The following SNCAIP variants were observed in gnomAD, a reference collection of about 807,000 sequenced individuals.
SNCAIP encodes synphilin-1.
SNCAIP carries 43 observed loss-of-function variants against 86.7 expected under a neutral mutation model. The ratio of observed to expected loss-of-function variants is 0.50; its 90% CI spans 0.39 to 0.64. The LOEUF (loss-of-function observed/expected upper bound fraction) is 0.64, where lower values mean the gene tolerates loss of function less well. Ranked by LOEUF, SNCAIP falls within the 30% of genes least tolerant of loss-of-function variation. The pLI is 0.00. For missense variants in SNCAIP, 981 were observed against 1,103.1 expected (o/e 0.89, Z 1.57); for synonymous variants, 417 against 427.2 (o/e 0.98, Z 0.29).
At chr5:122,355,743 G>T (rs922397959) in intron 1 of SNCAIP, among the ~76,000 whole-genome samples, 3 of 152,116 alleles carry the variant, frequency 2.0e-5, no homozygotes, top group Non-Finnish European at 4.4e-5. Flanking sequence ...TATGCCAGTT[G>T]TTTTCCTTTT....
At chr5:122,328,345 A>G (rs1273893070) in intron 1 of SNCAIP, among the ~76,000 whole-genome samples, 1 of 152,162 alleles carries the variant, frequency 6.6e-6, no homozygotes, top group East Asian at 1.9e-4. Flanking sequence ...CAGCTCTTGC[A>G]AAGTCTGCAC....
chr5:122,349,839 G>A (rs1759408786), intron 1 of SNCAIP, among the ~76,000 whole-genome samples: 1 of 152,032 alleles, frequency 6.6e-6, no homozygotes, highest in South Asian at 2.1e-4. Context: ...TGTTTTGATG[G>A]GGCTCTTCTC....
chr5:122,439,239 C>A (rs1040493001), intron 6 of SNCAIP, among the ~76,000 whole-genome samples: 1 of 152,194 alleles, frequency 6.6e-6, no homozygotes, highest in Non-Finnish European at 1.5e-5. Flanking sequence ...CTTATCCAAC[C>A]TCTAACTCCC....
intron 2 of SNCAIP, 82 bp downstream of exon 2, chr5:122,391,273 A>G (rs1769288133): frequency 4.0e-6 from 4 of 1,002,730 alleles, no homozygotes; most frequent in Non-Finnish European, 6.4e-6. Context: ...TATAGTCTAT[A>G]TATCCTCAAC....
chr5:122,447,069 A>G (rs1162299492), intron 8 of SNCAIP, among the ~76,000 whole-genome samples: 2 of 152,186 alleles, frequency 1.3e-5, no homozygotes, highest in African/African-American at 2.4e-5. Context: ...ATAATAGGAG[A>G]ACATTTAGAC....
rs746836864 is a variant in SNCAIP, at chr5:122,423,542, C to T, written c.805C>T (p.Arg269Ter). The stretch of plus-strand genomic sequence containing the variant: ...CAAGACATTTAGTGATCCTCATGGT[C>T]GAAAAGTTGAGAAGACAACACCAGA... Reference protein sequence around the residue: ...LNKTFSDPHGRKVEKTTPDCQ... With the variant: ...LNKTFSDPHG Residue 269 changes from arginine to a stop codon, truncating the protein, a stop_gained, in exon 4 of 11, where the codon CGA becomes TGA. Transcript: ENST00000261368. LOFTEE classifies it high-confidence loss of function. The T allele has an allele frequency of 5.0e-6, 8 of 1,613,962 alleles. No homozygotes were observed. The highest frequency in any genetic ancestry group is 1.3e-5 in the African/African-American group (1 of 74,894).
intron 7 of SNCAIP, among the ~76,000 whole-genome samples, chr5:122,442,532 A>G (rs891085095): frequency 9.9e-5 from 15 of 152,202 alleles, no homozygotes; most frequent in Non-Finnish European, 2.1e-4. Context: ...ATGAAATTGG[A>G]GAGTATAGGA....
At chr5:122,395,976 CTCTG>C (rs1275987325) in intron 2 of SNCAIP, among the ~76,000 whole-genome samples, 2 of 152,132 alleles carry the variant, frequency 1.3e-5, no homozygotes, top group South Asian at 2.1e-4. Flanking sequence ...TTTTCACTGT[CTCTG>C]TCTGTAAGCC....
chr5:122,312,115 C>G (rs1216966485), upstream of SNCAIP: 1 of 148,156 alleles, frequency 6.7e-6, no homozygotes, highest in Non-Finnish European at 1.5e-5. Context: ...TTGGGGGGCC[C>G]GGGGAGCGGC....
intron 6 of SNCAIP, among the ~76,000 whole-genome samples, chr5:122,436,039 C>T (rs148581899): frequency 4.6e-4 from 70 of 152,176 alleles, no homozygotes; most frequent in Admixed American, 7.9e-4. Context: ...GGAGCATGTC[C>T]TTTACAGAGT....
intron 1 of SNCAIP, among the ~76,000 whole-genome samples, chr5:122,323,654 C>T (rs1753439851): frequency 6.6e-6 from 1 of 152,140 alleles, no homozygotes; most frequent in African/African-American, 2.4e-5. Flanking sequence ...TTTGAGTTTT[C>T]AGTGAAATGA....
In SNCAIP at chr5:122,451,415, A is replaced by G; in HGVS notation, c.2568A>G (p.Gln856=). ...RTSTSNESGD[Q]LKRPFGAFRS... ...CCACAAGTAACGAATCGGGGGATCA[A>G]CTGAAAAGGCCTTTTGGAGCCTTTC... The change falls in exon 10 of 11, where the codon CAA becomes CAG. Residue 856 remains glutamine, a synonymous_variant. Transcript: ENST00000261368. The G allele has an allele frequency of 6.2e-7, 1 of 1,614,138 alleles. No homozygotes were observed. Among genetic ancestry groups the G allele is most frequent in the Non-Finnish European group, 8.5e-7 (1 of 1,180,010 alleles).
intron 1 of SNCAIP, among the ~76,000 whole-genome samples, chr5:122,342,071 G>A (rs76804912): frequency 0.017 from 2,564 of 152,098 alleles, 74 homozygotes; most frequent in African/African-American, 0.059. Context: ...GGATTTTTTC[G>A]ATTTTAGCTG....
At chr5:122,444,112 G>C (rs753906032) in intron 7 of SNCAIP, 5 of 457,288 alleles carry the variant, frequency 1.1e-5, no homozygotes, top group Admixed American at 9.4e-5. Flanking sequence ...TCAGGTTGGC[G>C]CAGCAACAAA....
chr5:122,453,356 C>T (rs1784098743), intron 10 of SNCAIP, among the ~76,000 whole-genome samples: 1 of 152,180 alleles, frequency 6.6e-6, no homozygotes, highest in Admixed American at 6.5e-5. Flanking sequence ...AGCCTCCGAT[C>T]AGAACTAGAA....
At chr5:122,332,963 A>C (rs1203928077) in intron 1 of SNCAIP, among the ~76,000 whole-genome samples, 1 of 152,232 alleles carries the variant, frequency 6.6e-6, no homozygotes, top group Admixed American at 6.5e-5. Flanking sequence ...TGAAAGGGTA[A>C]ATACTTTCTT....
chr5:122,450,051 T>C (rs1783380504), intron 9 of SNCAIP, 114 bp downstream of exon 9: 1 of 777,856 alleles, frequency 1.3e-6, no homozygotes, highest in African/African-American at 1.7e-5. Context: ...ATTTTCTTCT[T>C]ATAAAGAGGA....
intron 1 of SNCAIP, among the ~76,000 whole-genome samples, chr5:122,324,352 C>T (rs1753593404): frequency 6.6e-6 from 1 of 152,204 alleles, no homozygotes; most frequent in African/African-American, 2.4e-5. Flanking sequence ...AGCATGCGTG[C>T]TCATGACCTC....
At chr5:122,422,597 C>A (rs1422545512) in intron 3 of SNCAIP, among the ~76,000 whole-genome samples, 1 of 152,052 alleles carries the variant, frequency 6.6e-6, no homozygotes, top group Non-Finnish European at 1.5e-5. Context: ...AACCTAAATA[C>A]CTATCTGGGT....
Sources: gnomAD v4.1 joint callset for allele counts (sites outside exome capture counted in the v4.1 genomes callset) on GRCh38, gnomAD v4.1.1 for gene constraint, MANE v1.5 for transcripts, NCBI Gene and HGNC (gene_info 2026-07-23, HGNC 2026-07-21) for gene names.